Variants in SAMD12 observed in about 807,000 individuals in gnomAD.
SAMD12 encodes sterile alpha motif domain containing 12, also known as sterile alpha motif domain-containing protein 12.
SAMD12 carries 9 observed loss-of-function variants against 15.0 expected under a neutral mutation model. The observed-to-expected ratio is 0.60, with a 90% CI of 0.36 to 1.05. SAMD12 has a LOEUF of 1.05. SAMD12 is among the 50% of genes least tolerant of loss of function. The pLI is 0.01. For missense variants in SAMD12, 230 were observed against 234.2 expected (o/e 0.98, Z 0.12); for synonymous variants, 86 against 90.1 (o/e 0.96, Z 0.25).
Position 118,379,443 on chromosome 8 carries a change from T to A in SAMD12, c.580A>T (p.Ile194Phe), listed in dbSNP as rs771100580. 3.1e-6 allele frequency: 5 copies of A among 1,613,530 alleles called. No homozygotes were observed. The African/African-American group carries it at 5.3e-5, about 17-fold the overall frequency. ...NLLLFLHRIS[I>F]IENSIQI is the part of the protein sequence containing the mutation. Reference sequence around the variant, plus strand: ...TAAATCTGTATACTATTTTCTATGATGGAAATTCTGTGAAGAAACAATAAC... The same window carrying A: ...TAAATCTGTATACTATTTTCTATGAAGGAAATTCTGTGAAGAAACAATAAC... Residue 194 changes from isoleucine (I) to phenylalanine (F), a missense_variant, in exon 4 of 4, where the codon ATC becomes TTC. Ile to Phe is a conservative substitution (Grantham distance 21). Transcript: ENST00000314727.
the SAMD12 span, among the ~76,000 whole-genome samples, chr8:118,181,182 C>G: frequency 7.9e-5 from 12 of 152,144 alleles, no homozygotes; most frequent in Non-Finnish European, 1.8e-4. Context: ...CCACCACGTT[C>G]AGTTAAACTA....
intron 2 of SAMD12, among the ~76,000 whole-genome samples, chr8:118,569,643 C>A (rs1356340122): frequency 2.0e-5 from 3 of 152,090 alleles, no homozygotes; most frequent in Non-Finnish European, 2.9e-5. Context: ...GAATGGCATC[C>A]ACACAGAGGA....
At chr8:118,423,477 G>C (rs999032393) in intron 3 of SAMD12, among the ~76,000 whole-genome samples, 1 of 152,092 alleles carries the variant, frequency 6.6e-6, no homozygotes, top group African/African-American at 2.4e-5. Context: ...TATCTTGAGA[G>C]GCTTTACCTT....
At chr8:118,491,667 G>A (rs1252137523) in intron 2 of SAMD12, among the ~76,000 whole-genome samples, 1 of 151,960 alleles carries the variant, frequency 6.6e-6, no homozygotes, top group Non-Finnish European at 1.5e-5. Flanking sequence ...GGCTTTGCTT[G>A]TTTTTGTATA....
chr8:118,456,707 CCATTCATT>C (rs770554615), intron 2 of SAMD12, among the ~76,000 whole-genome samples: 1 of 152,188 alleles, frequency 6.6e-6, no homozygotes, highest in Admixed American at 6.5e-5. Context: ...TGCTCTGTCT[CCATTCATT>C]CATTCATTCA....
At chr8:118,454,909 C>T (rs1823201520) in intron 2 of SAMD12, among the ~76,000 whole-genome samples, 1 of 152,190 alleles carries the variant, frequency 6.6e-6, no homozygotes, top group Non-Finnish European at 1.5e-5. Context: ...GTGACTGGCT[C>T]ATTTCACTCA....
chr8:118,602,777 G>GT (rs1336091831), intron 1 of SAMD12, among the ~76,000 whole-genome samples: 3 of 152,108 alleles, frequency 2.0e-5, no homozygotes, highest in Non-Finnish European at 4.4e-5. Flanking sequence ...AGCTTTCAAT[G>GT]TTTTTTCAAA....
chr8:118,554,697 A>C (rs1411852526), intron 2 of SAMD12, among the ~76,000 whole-genome samples: 3 of 152,106 alleles, frequency 2.0e-5, no homozygotes, highest in Non-Finnish European at 2.9e-5. Flanking sequence ...AAGAACTAAA[A>C]AAAAAAAATC....
intron 4 of SAMD12, chr8:118,295,842 A>G (rs1284889410): frequency 6.6e-6 from 1 of 151,988 alleles, no homozygotes; most frequent in Non-Finnish European, 1.5e-5. Flanking sequence ...ATGAAGTTTC[A>G]CAATATAGAC....
chr8:118,523,802 G>A lies in SAMD12; in HGVS notation c.192+56913C>T, dbSNP rs368454958. Among the ~76,000 whole-genome samples, 21 of 152,178 alleles carry A rather than the reference G, an allele frequency of 1.4e-4. No individual in the cohort carries two copies. In the East Asian group the frequency reaches 2.9e-3, roughly 21 times the overall value. Reference sequence around the variant, plus strand: ...TACTCTCCATCCTCACTGCTGAATGGAAACTCATTATGTCTGAAAACAGAG... The same window carrying A: ...TACTCTCCATCCTCACTGCTGAATGAAAACTCATTATGTCTGAAAACAGAG... On this transcript the variant is annotated intron_variant, in intron 2 of 3. Transcript: ENST00000314727.
chr8:118,342,155 G>A (rs1817400081), intron 4 of SAMD12, among the ~76,000 whole-genome samples: 1 of 152,114 alleles, frequency 6.6e-6, no homozygotes, highest in African/African-American at 2.4e-5. Context: ...AGCCAGGCTT[G>A]GTGGCAGGCA....
At chr8:118,216,915 T>G (rs1465609939) in intron 4 of SAMD12, among the ~76,000 whole-genome samples, 2 of 152,250 alleles carry the variant, frequency 1.3e-5, no homozygotes, top group Admixed American at 1.3e-4. Flanking sequence ...CATAACATGT[T>G]TCTGAAAATA....
At chr8:118,312,517 TACA>T (rs1438848140) in intron 4 of SAMD12, among the ~76,000 whole-genome samples, 2 of 152,190 alleles carry the variant, frequency 1.3e-5, no homozygotes, top group African/African-American at 4.8e-5. Context: ...TTATAGTCTT[TACA>T]ACATTTATTT....
intron 4 of SAMD12, among the ~76,000 whole-genome samples, chr8:118,261,632 G>T (rs1813079115): frequency 6.9e-6 from 1 of 145,290 alleles, no homozygotes; most frequent in Non-Finnish European, 1.5e-5. Context: ...GAAAACACAT[G>T]ATTTTTTTTT....
At chr8:118,318,099 G>A (rs1220253383) in intron 4 of SAMD12, among the ~76,000 whole-genome samples, 1 of 151,778 alleles carries the variant, frequency 6.6e-6, no homozygotes, top group African/African-American at 2.4e-5. Context: ...CACTGCTGGT[G>A]CGAATGTAAT....
At chr8:118,366,509 G>A (rs1818774491) in intron 4 of SAMD12, among the ~76,000 whole-genome samples, 1 of 152,090 alleles carries the variant, frequency 6.6e-6, no homozygotes, top group Non-Finnish European at 1.5e-5. Context: ...AATTGCTACT[G>A]TAAAAAGATA....
intron 4 of SAMD12, among the ~76,000 whole-genome samples, chr8:118,254,493 C>T (rs754822164): frequency 3.3e-5 from 5 of 152,146 alleles, no homozygotes; most frequent in African/African-American, 7.2e-5. Flanking sequence ...TCATCCATCT[C>T]GCCACACCAG....
intron 2 of SAMD12, among the ~76,000 whole-genome samples, chr8:118,566,135 A>G (rs1227515375): frequency 1.3e-5 from 2 of 152,164 alleles, no homozygotes. Context: ...ATGAAACCAC[A>G]TGATCTCCCC....
At chr8:118,547,238 T>C (rs1318879716) in intron 2 of SAMD12, among the ~76,000 whole-genome samples, 3 of 152,180 alleles carry the variant, frequency 2.0e-5, no homozygotes, top group Admixed American at 2.0e-4. Context: ...AGCAAACACC[T>C]ATGAGTCTGC....
Sources: allele counts gnomAD v4.1 joint callset (sites outside exome capture counted in the v4.1 genomes callset), GRCh38; gene constraint gnomAD v4.1.1; transcripts MANE v1.5; gene names NCBI Gene and HGNC (gene_info 2026-07-23, HGNC 2026-07-21).